NPAS2: variants seen among roughly 807,000 people sequenced by gnomAD.
The protein encoded by NPAS2 is neuronal PAS domain-containing protein 2.
In NPAS2, 23 loss-of-function variants were observed where a neutral mutation model predicts 107.5. The ratio of observed to expected loss-of-function variants is 0.21; its 90% CI spans 0.15 to 0.30. The LOEUF is 0.30. Among genes scored for constraint, NPAS2 ranks in the 10% least tolerant of loss-of-function variants. NPAS2 has a pLI of 1.00. For synonymous variants in NPAS2, 403 were observed against 417.5 expected (o/e 0.97, Z 0.42); for missense variants, 756 against 1,043.3 (o/e 0.72, Z 3.79).
chr2:100,953,385 AAAAAAC>A (rs1477980689), intron 7 of NPAS2, among the ~76,000 whole-genome samples: 3 of 151,686 alleles, frequency 2.0e-5, no homozygotes, highest in Non-Finnish European at 2.9e-5. Context: ...TAAAAAAAAA[AAAAAAC>A]AAAAAAAACA....
chr2:100,955,466 G>C (rs2105093487), intron 7 of NPAS2, among the ~76,000 whole-genome samples: 1 of 152,272 alleles, frequency 6.6e-6, no homozygotes, highest in African/African-American at 2.4e-5. Context: ...GCAGGGTTCA[G>C]ACCAGACTTG....
chr2:100,832,471 T>TGAAAAATGGGGATTTATTGGGCAGCAAG, intron 1 of NPAS2, among the ~76,000 whole-genome samples: 1 of 152,190 alleles, frequency 6.6e-6, no homozygotes, highest in Non-Finnish European at 1.5e-5. Context: ...CGGTGCTCTG[T>TGAAAAATGGGGATTTATTGGGCAGCAAG]GAAAAATGGG....
intron 7 of NPAS2, among the ~76,000 whole-genome samples, chr2:100,962,360 C>A (rs1267412644): frequency 3.3e-5 from 5 of 152,066 alleles, no homozygotes; most frequent in Non-Finnish European, 7.4e-5. Flanking sequence ...GAAAATCTTG[C>A]AGATTTCATT....
chr2:100,893,811 C>T (rs1681235671), intron 1 of NPAS2, among the ~76,000 whole-genome samples: 1 of 152,186 alleles, frequency 6.6e-6, no homozygotes, highest in African/African-American at 2.4e-5. Flanking sequence ...GGCTGCATTG[C>T]ACTATAATGG....
chr2:100,886,685 G>A (rs1177177765), intron 1 of NPAS2, among the ~76,000 whole-genome samples: 1 of 152,150 alleles, frequency 6.6e-6, no homozygotes, highest in African/African-American at 2.4e-5. Flanking sequence ...GGATCTTTCA[G>A]GACTGTTCCC....
At position 100,920,183 on chromosome 2, in the gene NPAS2, G is replaced by C. The variant is rs1451846410; in HGVS notation, c.33-4963G>C. On this transcript the variant is annotated intron_variant, in intron 2 of 20. Coordinates refer to ENST00000335681, the MANE Select transcript of NPAS2 (RefSeq NM_002518.4). ...GGAGTGGGGAGATGTTAGTCAAAGG[G>C]TAGAAAGCTTCAGTTAGACAGGAGG... 3.5e-4 allele frequency among the ~76,000 whole-genome samples: 54 copies of C among 152,276 alleles called. 1 individual carries two copies. The highest frequency in any genetic ancestry group is 3.5e-3 in the Admixed American group (54 of 15,306).
At position 100,990,813 on chromosome 2, in the gene NPAS2, G is replaced by T. The variant is rs768357374; in HGVS notation, c.2052G>T (p.Met684Ile). 1.2e-6 allele frequency: 2 copies of T among 1,614,080 alleles called. No homozygotes were observed. Among genetic ancestry groups the T allele is most frequent in the African/African-American group, 2.7e-5 (2 of 74,940 alleles). Residue 684 changes from methionine to isoleucine, a missense_variant, in exon 19 of 21, where the codon ATG becomes ATT. Met to Ile is a conservative substitution (Grantham distance 10, BLOSUM62 1). Around this residue, in one of 4 missense-constraint regions of NPAS2, gnomAD observed 496 missense variants for 594.4 expected, o/e 0.83. Transcript: ENST00000335681. ...LLLSQPIQPM[M>I]PGSCDARQPS... Reference sequence around the variant, plus strand: ...TGAGCCAGCCCATCCAGCCCATGATGCCCGGGTCCTGTGACGCAAGGCAGC... The same window carrying T: ...TGAGCCAGCCCATCCAGCCCATGATTCCCGGGTCCTGTGACGCAAGGCAGC...
At chr2:100,952,756 G>C (rs564706124) in intron 7 of NPAS2, among the ~76,000 whole-genome samples, 6 of 151,738 alleles carry the variant, frequency 4.0e-5, no homozygotes, top group African/African-American at 1.4e-4. Flanking sequence ...TGAATACCTG[G>C]GACTTTTTTT....
intron 1 of NPAS2, among the ~76,000 whole-genome samples, chr2:100,891,033 C>T (rs1681023255): frequency 6.6e-6 from 1 of 152,108 alleles, no homozygotes; most frequent in African/African-American, 2.4e-5. Flanking sequence ...GAGATCGAGA[C>T]CATCCTGGCT....
At chr2:100,845,262 G>T (rs1677701865) in intron 1 of NPAS2, among the ~76,000 whole-genome samples, 1 of 152,184 alleles carries the variant, frequency 6.6e-6, no homozygotes, top group Non-Finnish European at 1.5e-5. Flanking sequence ...TTATAGTTTG[G>T]CTTCGTGGAT....
intron 1 of NPAS2, among the ~76,000 whole-genome samples, chr2:100,825,796 A>G (rs888505778): frequency 1.3e-5 from 2 of 152,138 alleles, no homozygotes; most frequent in Non-Finnish European, 2.9e-5. Flanking sequence ...CTTCCACTAG[A>G]TACTGTGATA....
intron 5 of NPAS2, among the ~76,000 whole-genome samples, chr2:100,945,103 A>G (rs770814644): frequency 2.0e-5 from 3 of 152,268 alleles, no homozygotes; most frequent in Non-Finnish European, 2.9e-5. Context: ...AAACTTGGAG[A>G]AAGCCAGAAT....
intron 2 of NPAS2, among the ~76,000 whole-genome samples, chr2:100,910,739 G>A (rs1682492013): frequency 6.6e-6 from 1 of 152,072 alleles, no homozygotes; most frequent in Non-Finnish European, 1.5e-5. Context: ...TGTTGGCCAG[G>A]CTGGTCTTGA....
At chr2:100,966,858 A>G (rs986320154) in intron 10 of NPAS2, among the ~76,000 whole-genome samples, 9 of 152,154 alleles carry the variant, frequency 5.9e-5, no homozygotes, top group African/African-American at 2.2e-4. Flanking sequence ...CGGCCTCCCA[A>G]AATGCTTGGA....
rs568851680 is a variant in NPAS2, at chr2:100,849,338, A to G, written c.-23+28924A>G. Among the ~76,000 whole-genome samples the G allele has an allele frequency of 8.1e-4, 124 of 152,334 alleles. 1 individual carries two copies. Among genetic ancestry groups the G allele is most frequent in the African/African-American group, 2.8e-3 (116 of 41,570 alleles). ...ACCTCCCTGCCTAATTGTGACACCA[A>G]TAAATCCAAGAAAGGGGAGGACAGT... On this transcript the variant is annotated intron_variant, in intron 1 of 20. Transcript: ENST00000335681.
At chr2:100,921,142 G>T (rs1683200217) in intron 2 of NPAS2, among the ~76,000 whole-genome samples, 2 of 152,252 alleles carry the variant, frequency 1.3e-5, no homozygotes, top group African/African-American at 4.8e-5. Context: ...TTTGGAGGGA[G>T]CTGTAGGAAG....
At chr2:100,863,219 C>G (rs1214505985) in intron 1 of NPAS2, among the ~76,000 whole-genome samples, 25 of 152,218 alleles carry the variant, frequency 1.6e-4, no homozygotes, top group Admixed American at 1.4e-3. Context: ...GCTGGAGCAT[C>G]TCACACAGGT....
At chr2:100,823,355 C>T (rs1424193425) in intron 1 of NPAS2, among the ~76,000 whole-genome samples, 1 of 152,114 alleles carries the variant, frequency 6.6e-6, no homozygotes, top group Non-Finnish European at 1.5e-5. Flanking sequence ...TAAGCAAAGT[C>T]ATTTCTTAGG....
chr2:100,859,042 A>G (rs1048083691), intron 1 of NPAS2, among the ~76,000 whole-genome samples: 23 of 152,236 alleles, frequency 1.5e-4, no homozygotes, highest in African/African-American at 5.3e-4. Context: ...AGGCAGGTGG[A>G]TCACTTGAGG....
Sources: allele counts gnomAD v4.1 joint callset (sites outside exome capture counted in the v4.1 genomes callset), GRCh38; gene constraint gnomAD v4.1.1; regional missense constraint gnomAD v4.1.1; transcripts MANE v1.5; gene names NCBI Gene and HGNC (gene_info 2026-07-23, HGNC 2026-07-21).